The following KDELR2 variants were observed in gnomAD, a reference collection of about 807,000 sequenced individuals.
The protein encoded by KDELR2 is ER lumen protein-retaining receptor 2.
Under a neutral mutation model 23.9 loss-of-function variants are expected in KDELR2, and 15 were observed. That is an observed-to-expected ratio of 0.63 (90% CI 0.42 to 0.97). The LOEUF (loss-of-function observed/expected upper bound fraction) is 0.97. KDELR2 is among the 50% of genes least tolerant of loss of function. KDELR2 has a pLI of 0.00. For synonymous variants in KDELR2, 119 were observed against 106.2 expected (o/e 1.12, Z -0.74); for missense variants, 272 against 254.6 (o/e 1.07, Z -0.46).
chr7:6,470,638 G>C (rs1485454944), intron 2 of KDELR2, among the ~76,000 whole-genome samples: 1 of 152,118 alleles, frequency 6.6e-6, no homozygotes, highest in Non-Finnish European at 1.5e-5. Flanking sequence ...CACTCAGTGA[G>C]CCTGCTATAT....
chr7:6,466,986 G>A (rs527724878), intron 3 of KDELR2, among the ~76,000 whole-genome samples: 1 of 152,244 alleles, frequency 6.6e-6, no homozygotes, highest in African/African-American at 2.4e-5. Flanking sequence ...AGTGGCCCAG[G>A]GGTTGAGGAC....
chr7:6,468,464 G>C (rs12702513), intron 3 of KDELR2, among the ~76,000 whole-genome samples: 36,930 of 151,932 alleles, frequency 0.24, 5,908 homozygotes, highest in Non-Finnish European at 0.36. Flanking sequence ...GAGTAGCTGG[G>C]ATTACAGGCG....
At chr7:6,480,670 A>T (rs896771954) in intron 1 of KDELR2, among the ~76,000 whole-genome samples, 1 of 152,140 alleles carries the variant, frequency 6.6e-6, no homozygotes, top group Non-Finnish European at 1.5e-5. Context: ...AAATCCTAAA[A>T]ATGAACCTTG....
chr7:6,469,833 G>A, intron 2 of KDELR2, 79 bp from the exon 3 acceptor site: 1 of 1,270,292 alleles, frequency 7.9e-7, no homozygotes. Flanking sequence ...AATCACCCAT[G>A]TATTTGGAAA....
chr7:6,469,511 G>T, intron 3 of KDELR2, 85 bp downstream of exon 3: 2 of 1,316,648 alleles, frequency 1.5e-6, no homozygotes, highest in Non-Finnish European at 1.1e-6. Context: ...CAAAGTGGAG[G>T]CTGAACTCCG....
At position 6,466,174 on chromosome 7, in the gene KDELR2, G is replaced by T; in HGVS notation, c.501C>A (p.Ile167=). The T allele has an allele frequency of 1.2e-6, 2 of 1,614,216 alleles. No individual in the cohort carries two copies. Among genetic ancestry groups the T allele is most frequent in the Non-Finnish European group, 1.7e-6 (2 of 1,180,032 alleles). ...LYRALYLVNW[I]WRFYFEGFFD... ...AGAAGCCCTCAAAGTAGAAGCGCCAGATCCAGTTGACAAGATACAAAGCAC... is the reference window on the plus strand; with the variant it reads ...AGAAGCCCTCAAAGTAGAAGCGCCATATCCAGTTGACAAGATACAAAGCAC... Residue 167 remains isoleucine (I), a synonymous_variant, in exon 4 of 5, where the codon ATC becomes ATA. Transcript: ENST00000258739.
chr7:6,482,350 G>A, intron 1 of KDELR2: 1 of 259,508 alleles, frequency 3.9e-6, no homozygotes. Flanking sequence ...AAAGCACTCG[G>A]CTGACTACTT....
intron 4 of KDELR2, among the ~76,000 whole-genome samples, chr7:6,463,730 G>A (rs1185063095): frequency 6.6e-6 from 1 of 150,506 alleles, no homozygotes; most frequent in Non-Finnish European, 1.5e-5. Flanking sequence ...GTAACAGAGT[G>A]AGACCCTGTC....
At chr7:6,466,386 C>T in intron 3 of KDELR2, 63 bp from the exon 4 acceptor site, 8 of 1,576,646 alleles carry the variant, frequency 5.1e-6, no homozygotes, top group Non-Finnish European at 6.9e-6. Flanking sequence ...AGAGGAAACA[C>T]TCTTGCTTTC....
At chr7:6,482,629 A>G in intron 1 of KDELR2, 1 of 462,376 alleles carries the variant, frequency 2.2e-6, no homozygotes, top group Non-Finnish European at 4.5e-6. Flanking sequence ...GTGACTTTAG[A>G]CGCCAAAATT....
At chr7:6,476,347 C>T (rs1317825201) in intron 1 of KDELR2, among the ~76,000 whole-genome samples, 1 of 152,188 alleles carries the variant, frequency 6.6e-6, no homozygotes, top group Non-Finnish European at 1.5e-5. Context: ...CTGATTTCTT[C>T]CTACAGAGAC....
chr7:6,472,606 T>C (rs1274565279), intron 2 of KDELR2, among the ~76,000 whole-genome samples: 1 of 152,182 alleles, frequency 6.6e-6, no homozygotes, highest in Non-Finnish European at 1.5e-5. Context: ...CATTTGGTAA[T>C]GAAGAATCCA....
chr7:6,471,461 T>C (rs1025551482), intron 2 of KDELR2, among the ~76,000 whole-genome samples: 1 of 152,122 alleles, frequency 6.6e-6, no homozygotes, highest in Non-Finnish European at 1.5e-5. Context: ...ATTACAGGCG[T>C]GAGCCACAGC....
At chr7:6,478,452 A>G (rs1336363408) in intron 1 of KDELR2, among the ~76,000 whole-genome samples, 1 of 152,020 alleles carries the variant, frequency 6.6e-6, no homozygotes. Context: ...TTTCATATTC[A>G]AATTCCTAAC....
intron 1 of KDELR2, among the ~76,000 whole-genome samples, chr7:6,481,728 T>TAAACAAAC (rs368614334): frequency 4.6e-5 from 7 of 152,078 alleles, no homozygotes; most frequent in African/African-American, 1.2e-4. Flanking sequence ...CCCACTGTTT[T>TAAACAAAC]AAACAAACAA....
intron 3 of KDELR2, among the ~76,000 whole-genome samples, chr7:6,467,986 A>C (rs943642128): frequency 4.6e-5 from 7 of 152,218 alleles, no homozygotes; most frequent in African/African-American, 1.7e-4. Flanking sequence ...CAGACACGAC[A>C]TCAGTGCACA....
At chr7:6,468,841 G>A (rs1036920422) in intron 3 of KDELR2, among the ~76,000 whole-genome samples, 1 of 151,932 alleles carries the variant, frequency 6.6e-6, no homozygotes, top group African/African-American at 2.4e-5. Flanking sequence ...GTTTCACCAT[G>A]TTGGCCAGGC....
chr7:6,471,099 AGACT>A (rs745364065), intron 2 of KDELR2, among the ~76,000 whole-genome samples: 10 of 140,892 alleles, frequency 7.1e-5, no homozygotes, highest in Admixed American at 4.4e-4. Flanking sequence ...CCTGGGTGAC[AGACT>A]GACTCTGTCT....
At chr7:6,468,057 C>T (rs1214185942) in intron 3 of KDELR2, among the ~76,000 whole-genome samples, 1 of 152,208 alleles carries the variant, frequency 6.6e-6, no homozygotes, top group African/African-American at 2.4e-5. Context: ...TCTTCCCACA[C>T]TGGGACAGGC....
Sources: allele counts gnomAD v4.1 joint callset (sites outside exome capture counted in the v4.1 genomes callset), GRCh38; gene constraint gnomAD v4.1.1; transcripts MANE v1.5; gene names NCBI Gene and HGNC (gene_info 2026-07-23, HGNC 2026-07-21).